FAM117B: variants seen among roughly 807,000 people sequenced by gnomAD.
FAM117B encodes protein FAM117B.
A neutral mutation model predicts 52.8 loss-of-function variants in FAM117B; 22 were observed. That is an observed-to-expected ratio of 0.42 (90% confidence interval 0.30 to 0.59). FAM117B has a LOEUF of 0.59. Ranked by LOEUF, FAM117B falls within the 20% of genes least tolerant of loss-of-function variation. The pLI, the probability that FAM117B is intolerant of heterozygous loss-of-function variation, is 0.22. For missense variants in FAM117B, 678 were observed against 802.6 expected, an observed-to-expected ratio of 0.84 and a Z score of 1.88; for synonymous variants, 309 against 324.1, an observed-to-expected ratio of 0.95 and a Z score of 0.50.
chr2:202,689,047 C>G (rs1363334778), intron 1 of FAM117B, among the ~76,000 whole-genome samples: 1 of 152,136 alleles, frequency 6.6e-6, no homozygotes, highest in African/African-American at 2.4e-5. Context: ...TTTTATTTCT[C>G]TCAACAATAA....
chr2:202,755,218 A>G (rs1691783855), intron 4 of FAM117B, among the ~76,000 whole-genome samples: 1 of 152,178 alleles, frequency 6.6e-6, no homozygotes. Context: ...TTAAAGTTAT[A>G]TTCTGAAATC....
At chr2:202,761,333 GT>G (rs1691884749) in intron 7 of FAM117B, among the ~76,000 whole-genome samples, 1 of 152,182 alleles carries the variant, frequency 6.6e-6, no homozygotes, top group Non-Finnish European at 1.5e-5. Context: ...GTGGTGTCCT[GT>G]GGTACCTGCC....
chr2:202,635,172 G>A lies in FAM117B; in HGVS notation c.-16G>A. 2.4e-6 allele frequency: 3 copies of A among 1,267,436 alleles called. No homozygotes were observed. Among genetic ancestry groups the A allele is most frequent in the South Asian group, 2.7e-5 (1 of 37,184 alleles). 78.5% of individuals were successfully genotyped at this position (1,267,436 alleles called of 1,614,324 possible). On this transcript the variant is annotated 5_prime_UTR_variant, in exon 1 of 8. Transcript: ENST00000392238. ...AAACCCCCCGTCTCGCCCAGTCACC[G>A]GGGAGGGGGGGGACCATGTCCCAGC...
At chr2:202,732,908 A>T (rs1574573992) in intron 4 of FAM117B, among the ~76,000 whole-genome samples, 1 of 151,818 alleles carries the variant, frequency 6.6e-6, no homozygotes, top group African/African-American at 2.4e-5. Flanking sequence ...GGCACATAAC[A>T]TACGATTCCA....
chr2:202,744,735 A>G (rs1691604217), intron 4 of FAM117B, among the ~76,000 whole-genome samples: 1 of 151,192 alleles, frequency 6.6e-6, no homozygotes, highest in Admixed American at 6.6e-5. Context: ...GCACTTTGGG[A>G]GTACAAGGTG....
chr2:202,769,687 A>AC lies in FAM117B; in HGVS notation c.*3925dup, dbSNP rs1347327622. 6.6e-6 allele frequency: 1 copy of AC among 152,616 alleles called. No individual in the cohort carries two copies. Among genetic ancestry groups the AC allele is most frequent in the African/African-American group, 2.4e-5 (1 of 41,442 alleles). The allele number at this position is 152,616 out of a possible 1,614,324, so 9.5% of individuals were successfully genotyped here. On this transcript the variant is annotated 3_prime_UTR_variant, in exon 8 of 8. Coordinates refer to ENST00000392238, the MANE Select transcript of FAM117B (RefSeq NM_173511.4). ...TACGCTGTACTTATGTATTCCCTGT[A>AC]CCTGAACACTTGTTGCTGCCTCACA...
intron 4 of FAM117B, among the ~76,000 whole-genome samples, chr2:202,745,299 A>G (rs1691614288): frequency 6.6e-6 from 1 of 152,010 alleles, no homozygotes; most frequent in Non-Finnish European, 1.5e-5. Context: ...AAAAAGGCAA[A>G]ATAAGTCTTT....
At chr2:202,646,351 T>G (rs950054940) in intron 1 of FAM117B, among the ~76,000 whole-genome samples, 1 of 152,216 alleles carries the variant, frequency 6.6e-6, no homozygotes, top group African/African-American at 2.4e-5. Flanking sequence ...AAATGCTGAT[T>G]AAATGTTTTC....
chr2:202,736,467 A>G (rs1691438322), intron 4 of FAM117B, among the ~76,000 whole-genome samples: 1 of 152,112 alleles, frequency 6.6e-6, no homozygotes, highest in South Asian at 2.1e-4. Context: ...ATTCTAAACA[A>G]GTTTTTGGCT....
chr2:202,649,030 G>T (rs1407047341), intron 1 of FAM117B, among the ~76,000 whole-genome samples: 1 of 152,170 alleles, frequency 6.6e-6, no homozygotes. Context: ...GGGATTACAG[G>T]CATGAGCCAC....
chr2:202,660,518 T>C (rs570433158), intron 1 of FAM117B, among the ~76,000 whole-genome samples: 9 of 152,260 alleles, frequency 5.9e-5, no homozygotes, highest in African/African-American at 1.9e-4. Flanking sequence ...AAGATCTGTG[T>C]TATACTATTT....
intron 4 of FAM117B, among the ~76,000 whole-genome samples, chr2:202,752,817 C>T (rs1691746107): frequency 6.6e-6 from 1 of 151,982 alleles, no homozygotes; most frequent in African/African-American, 2.4e-5. Flanking sequence ...ATTATGTAAC[C>T]AGATAGTTCT....
At chr2:202,693,334 T>TG (rs1559103594) in intron 1 of FAM117B, among the ~76,000 whole-genome samples, 5 of 152,002 alleles carry the variant, frequency 3.3e-5, no homozygotes, top group African/African-American at 1.2e-4. Flanking sequence ...ACTGGCCGGG[T>TG]GTGGTGCCTC....
intron 4 of FAM117B, among the ~76,000 whole-genome samples, chr2:202,732,931 AC>A (rs1371116558): frequency 6.6e-6 from 1 of 151,854 alleles, no homozygotes; most frequent in Non-Finnish European, 1.5e-5. Flanking sequence ...CTTAGGAAAT[AC>A]CCAAAATAGG....
chr2:202,753,879 G>C (rs1559116227), intron 4 of FAM117B, among the ~76,000 whole-genome samples: 2 of 152,144 alleles, frequency 1.3e-5, no homozygotes, highest in African/African-American at 2.4e-5. Context: ...GAAAACAATA[G>C]ATGCTGGTGA....
At chr2:202,713,284 C>T (rs1330991309) in intron 2 of FAM117B, among the ~76,000 whole-genome samples, 1 of 152,044 alleles carries the variant, frequency 6.6e-6, no homozygotes, top group East Asian at 1.9e-4. Context: ...GGAATTTATC[C>T]ATTTATTCTA....
At chr2:202,750,038 T>C (rs1013859638) in intron 4 of FAM117B, among the ~76,000 whole-genome samples, 1 of 152,194 alleles carries the variant, frequency 6.6e-6, no homozygotes, top group Admixed American at 6.5e-5. Flanking sequence ...CTGGAGACTC[T>C]TAAGTGCAAG....
intron 4 of FAM117B, among the ~76,000 whole-genome samples, chr2:202,745,972 G>C (rs1397118304): frequency 6.6e-6 from 1 of 152,134 alleles, no homozygotes; most frequent in Non-Finnish European, 1.5e-5. Flanking sequence ...AGCTTAAAGA[G>C]AGAAATAGAC....
chr2:202,674,647 C>A (rs1690348664), intron 1 of FAM117B, among the ~76,000 whole-genome samples: 1 of 152,244 alleles, frequency 6.6e-6, no homozygotes, highest in African/African-American at 2.4e-5. Context: ...TAGTTTACTA[C>A]AATAGCTACT....
Sources: gnomAD v4.1 joint callset for allele counts (sites outside exome capture counted in the v4.1 genomes callset) on GRCh38, gnomAD v4.1.1 for gene constraint, MANE v1.5 for transcripts, NCBI Gene and HGNC (gene_info 2026-07-23, HGNC 2026-07-21) for gene names.